The following PTPRT variants were observed in gnomAD, a reference collection of about 807,000 sequenced individuals.
PTPRT encodes the protein receptor-type tyrosine-protein phosphatase T.
PTPRT carries 56 observed loss-of-function variants against 176.8 expected under a neutral mutation model. That is an observed-to-expected ratio of 0.32 (90% confidence interval 0.26 to 0.40). The LOEUF (loss-of-function observed/expected upper bound fraction) is 0.40. Ranked by LOEUF, PTPRT falls within the 10% of genes least tolerant of loss-of-function variation. PTPRT has a pLI of 1.00. For synonymous variants in PTPRT, 783 were observed against 739.0 expected, an observed-to-expected ratio of 1.06 and a Z score of -0.96; for missense variants, 1,540 against 1,908.2, an observed-to-expected ratio of 0.81 and a Z score of 3.60.
At chr20:42,348,768 C>T (rs1178047266) in intron 11 of PTPRT, among the ~76,000 whole-genome samples, 1 of 152,144 alleles carries the variant, frequency 6.6e-6, no homozygotes, top group Non-Finnish European at 1.5e-5. Context: ...TGAGGGATGA[C>T]AGCATGTAGG....
intron 1 of PTPRT, among the ~76,000 whole-genome samples, chr20:42,999,364 A>C (rs1182324295): frequency 6.6e-6 from 1 of 152,116 alleles, no homozygotes; most frequent in Non-Finnish European, 1.5e-5. Flanking sequence ...AAATACTTTT[A>C]GAAATTTATA....
At chr20:42,866,343 TCA>T (rs1336420614) in intron 2 of PTPRT, among the ~76,000 whole-genome samples, 1 of 151,974 alleles carries the variant, frequency 6.6e-6, no homozygotes, top group Non-Finnish European at 1.5e-5. Flanking sequence ...TTGGCTAGAG[TCA>T]CAGAACTTCA....
chr20:42,969,432 C>G (rs985237849), intron 1 of PTPRT: 2 of 152,242 alleles, frequency 1.3e-5, no homozygotes, highest in Non-Finnish European at 2.9e-5. Context: ...TACCACCGGT[C>G]TCTCGGCCAG....
chr20:42,059,579 A>G, the PTPRT span, among the ~76,000 whole-genome samples: 1 of 152,210 alleles, frequency 6.6e-6, no homozygotes, highest in Admixed American at 6.5e-5. Context: ...TGGATGTAAT[A>G]GTTTCAGAAG....
intron 15 of PTPRT, among the ~76,000 whole-genome samples, chr20:42,229,206 A>T (rs928496180): frequency 6.6e-6 from 1 of 152,214 alleles, no homozygotes; most frequent in African/African-American, 2.4e-5. Context: ...TAAAAAGCAG[A>T]TCCCCAGGCC....
chr20:43,024,365 T>C (rs907783919), intron 1 of PTPRT, among the ~76,000 whole-genome samples: 1 of 151,990 alleles, frequency 6.6e-6, no homozygotes, highest in African/African-American at 2.4e-5. Context: ...CCAAGGCTGG[T>C]AGATCATGAG....
chr20:42,799,095 AAAG>A (rs1421728978), intron 2 of PTPRT, among the ~76,000 whole-genome samples: 1 of 152,082 alleles, frequency 6.6e-6, no homozygotes, highest in African/African-American at 2.4e-5. Context: ...AGAAGAAAGA[AAAG>A]AAGGAGAAAA....
chr20:42,593,746 G>T (rs897882871), intron 7 of PTPRT, among the ~76,000 whole-genome samples: 16 of 152,200 alleles, frequency 1.1e-4, no homozygotes, highest in Admixed American at 9.8e-4. Flanking sequence ...ACCAGGAAGG[G>T]ACACATTTTA....
chr20:42,337,312 A>G (rs1399464538), intron 11 of PTPRT, among the ~76,000 whole-genome samples: 1 of 152,218 alleles, frequency 6.6e-6, no homozygotes, highest in Non-Finnish European at 1.5e-5. Context: ...CAACAATGAA[A>G]AAATGTAACA....
intron 15 of PTPRT, among the ~76,000 whole-genome samples, chr20:42,224,846 C>T (rs926000929): frequency 1.3e-5 from 2 of 152,112 alleles, no homozygotes; most frequent in African/African-American, 4.8e-5. Context: ...TGGCCTCTCT[C>T]GAATTCTGAC....
intron 1 of PTPRT, among the ~76,000 whole-genome samples, chr20:43,153,645 G>T (rs554386346): frequency 6.6e-6 from 1 of 152,020 alleles, no homozygotes; most frequent in Admixed American, 6.6e-5. Flanking sequence ...TCAAACAAAT[G>T]GAAATCAGAT....
At position 42,104,622 on chromosome 20, in the gene PTPRT, T is replaced by C; in HGVS notation, c.3487A>G (p.Ile1163Val). 6.2e-7 allele frequency: 1 copy of C among 1,611,312 alleles called. No individual in the cohort carries two copies. The highest frequency in any genetic ancestry group is 8.5e-7 in the Non-Finnish European group (1 of 1,177,482). The change falls in exon 25 of 31, where the codon ATC becomes GTC. Residue 1163 changes from isoleucine to valine, a missense_variant. This residue lies in a region of PTPRT where 342 missense variants were observed against 394.0 expected (regional missense o/e 0.87). Coordinates refer to ENST00000373187, the MANE Select transcript of PTPRT (RefSeq NM_007050.6). ...VCEFRSLYYN[I>V]SRLDPQTNSS... ...TTTGTCTGGGGGTCCAGCCTGCTGA[T>C]ATTGTAGTAGAGAGAACGGAACTCA...
chr20:42,853,210 A>G lies in PTPRT; in HGVS notation c.214+32597T>C, dbSNP rs558455278. Among the ~76,000 whole-genome samples the G allele has an allele frequency of 2.7e-3, 409 of 152,334 alleles. 7 individuals carry two copies. Among genetic ancestry groups the G allele is most frequent in the South Asian group, 1.0e-2 (48 of 4,820 alleles). On this transcript the variant is annotated intron_variant, in intron 2 of 30. Transcript: ENST00000373187. ...ACCATCTTAATCAAGAAAACTAAGC[A>G]GAAGCCTCATATGAAGAACTTTGTA...
intron 13 of PTPRT, among the ~76,000 whole-genome samples, chr20:42,260,463 TAAG>T (rs1034806725): frequency 5.3e-5 from 8 of 152,214 alleles, no homozygotes; most frequent in South Asian, 2.1e-4. Context: ...AGAACAGATG[TAAG>T]AAGAAGAACA....
chr20:42,942,429 T>C (rs568619296), intron 1 of PTPRT, among the ~76,000 whole-genome samples: 11 of 152,344 alleles, frequency 7.2e-5, no homozygotes, highest in Non-Finnish European at 1.2e-4. Context: ...GCCTTCCCCA[T>C]CCAAAAACAG....
intron 1 of PTPRT, among the ~76,000 whole-genome samples, chr20:43,002,973 A>C (rs1230403346): frequency 2.0e-5 from 3 of 151,642 alleles, no homozygotes; most frequent in Non-Finnish European, 4.4e-5. Flanking sequence ...ACATGAATTA[A>C]TCTCATCAAA....
Position 42,873,155 on chromosome 20 carries a change from A to G in PTPRT, c.214+12652T>C, listed in dbSNP as rs545350385. ...GTCAACAGAGCAAGGCAGAGACAGA[A>G]GTGTTATGTCCATGTGCTAAAAGGT... On this transcript the variant is annotated intron_variant, in intron 2 of 30. Coordinates refer to ENST00000373187, the MANE Select transcript of PTPRT (RefSeq NM_007050.6). Among the ~76,000 whole-genome samples the G allele has an allele frequency of 2.0e-4, 31 of 152,328 alleles. 2 individuals carry two copies. The South Asian group carries it at 6.4e-3, about 32-fold the overall frequency.
intron 1 of PTPRT, among the ~76,000 whole-genome samples, chr20:43,021,206 A>G (rs534025078): frequency 1.8e-4 from 27 of 152,236 alleles, no homozygotes; most frequent in Non-Finnish European, 3.1e-4. Context: ...GTAAGCTGAC[A>G]GAGAAAATGC....
chr20:43,044,028 C>A (rs988188586), intron 1 of PTPRT, among the ~76,000 whole-genome samples: 1 of 151,968 alleles, frequency 6.6e-6, no homozygotes, highest in African/African-American at 2.4e-5. Context: ...GACAGACACC[C>A]AGGAGAAGTG....
Sources: gnomAD v4.1 joint callset for allele counts (sites outside exome capture counted in the v4.1 genomes callset) on GRCh38, gnomAD v4.1.1 for gene constraint, gnomAD v4.1.1 regional missense constraint, MANE v1.5 for transcripts, NCBI Gene and HGNC (gene_info 2026-07-23, HGNC 2026-07-21) for gene names.